Variants in C4orf54 observed in about 807,000 individuals in gnomAD.
C4orf54 encodes the protein uncharacterized protein C4orf54.
A neutral mutation model predicts 80.1 loss-of-function variants in C4orf54; 67 were observed. The ratio of observed to expected loss-of-function variants is 0.84; its 90% CI spans 0.69 to 1.03. The LOEUF is 1.03. Ranked by LOEUF, C4orf54 falls within the 50% of genes least tolerant of loss-of-function variation. The pLI, the probability that C4orf54 is intolerant of heterozygous loss-of-function variation, is 0.00. For synonymous variants in C4orf54, 1,000 were observed against 917.0 expected, an observed-to-expected ratio of 1.09 and a Z score of -1.64; for missense variants, 2,434 against 2,253.5, an observed-to-expected ratio of 1.08 and a Z score of -1.62.
At position 99,651,970 on chromosome 4, in the gene C4orf54, G is replaced by T; in HGVS notation, c.2679C>A (p.Ser893=). The T allele has an allele frequency of 1.3e-6, 2 of 1,536,110 alleles. No individual in the cohort carries two copies. The highest frequency in any genetic ancestry group is 1.7e-6 in the Non-Finnish European group (2 of 1,146,904). Residue 893 remains serine, a synonymous_variant, in exon 2 of 3, where the codon TCC becomes TCA. Coordinates refer to ENST00000511828, the MANE Select transcript of C4orf54 (RefSeq NM_001354435.2). Reference sequence around the variant, plus strand: ...TACTGGCTTTGAAGACTGGAGATTTGGAGCCCGCCACGGACCCCTCCCCGC... The same window carrying T: ...TACTGGCTTTGAAGACTGGAGATTTTGAGCCCGCCACGGACCCCTCCCCGC... ...DAGGEGSVAG[S]KSPVFKASTP...
At chr4:99,656,710 A>C (rs748742768) in intron 1 of C4orf54, among the ~76,000 whole-genome samples, 20 of 152,230 alleles carry the variant, frequency 1.3e-4, no homozygotes, top group Non-Finnish European at 2.4e-4. Flanking sequence ...TAACAACTTG[A>C]TGAGTTAGGT....
intron 2 of C4orf54, 103 bp downstream of exon 2, chr4:99,649,128 C>G: frequency 8.9e-7 from 1 of 1,125,346 alleles, no homozygotes; most frequent in Non-Finnish European, 1.2e-6. Context: ...ACATCCATTT[C>G]TAGAGACAGC....
chr4:99,643,794 C>A (rs1491243), intron 2 of C4orf54, among the ~76,000 whole-genome samples: 2,155 of 64,834 alleles, frequency 0.033, 29 homozygotes, highest in South Asian at 0.049. Flanking sequence ...ACACACACAC[C>A]CCCTCCGCGG....
At chr4:99,646,446 AC>A (rs1380289934) in intron 2 of C4orf54, among the ~76,000 whole-genome samples, 1 of 152,222 alleles carries the variant, frequency 6.6e-6, no homozygotes, top group East Asian at 1.9e-4. Flanking sequence ...GCCAAATGCC[AC>A]CACAGAGCAG....
intron 1 of C4orf54, among the ~76,000 whole-genome samples, chr4:99,657,222 A>C (rs1726991775): frequency 6.6e-6 from 1 of 152,256 alleles, no homozygotes; most frequent in African/African-American, 2.4e-5. Context: ...GTTTCTGCCC[A>C]TCAAGTCAAT....
At chr4:99,645,099 A>C (rs1311257915) in intron 2 of C4orf54, among the ~76,000 whole-genome samples, 1 of 152,004 alleles carries the variant, frequency 6.6e-6, no homozygotes, top group Non-Finnish European at 1.5e-5. Flanking sequence ...CTGGCATGGA[A>C]TATTTAGGTT....
rs1182815905 is a variant in C4orf54 at position 99,650,736 on chromosome 4, C to T, written c.3913G>A (p.Ala1305Thr). ...ASEEREGVVV[A>T]DGDHDKLSKR... is the part of the protein sequence containing the mutation. ...GACAGCTTGTCGTGGTCTCCATCAG[C>T]AACCACTACCCCTTCCCTCTCCTCA... The change falls in exon 2 of 3, where the codon GCT (alanine) becomes ACT (threonine). Residue 1305 changes from alanine (A) to threonine (T), a missense_variant. Physicochemically the swap from Ala to Thr is moderately conservative, Grantham distance 58. Coordinates refer to ENST00000511828, the MANE Select transcript of C4orf54 (RefSeq NM_001354435.2). 3 of 1,536,040 alleles carry T rather than the reference C, an allele frequency of 2.0e-6. No individual in the cohort carries two copies. The highest frequency in any genetic ancestry group is 2.4e-5 in the East Asian group (1 of 40,912).
rs1726554642 is a variant in C4orf54, at chr4:99,638,846, A to G, written c.*2387T>C. On this transcript the variant is annotated 3_prime_UTR_variant, in exon 3 of 3. Transcript: ENST00000511828. ...AGAACCATAAAATTATCGATAGATG[A>G]CATGATATTAATAGAACATTATTTA... The G allele has an allele frequency of 6.6e-6, 1 of 152,148 alleles. No homozygotes were observed. The highest frequency in any genetic ancestry group is 2.4e-5 in the African/African-American group (1 of 41,442). The allele number at this position is 152,148 out of a possible 1,614,324, so 9.4% of individuals were successfully genotyped here.
In C4orf54 at chr4:99,654,220, G is replaced by A; in HGVS notation, c.429C>T (p.Leu143=). The A allele has an allele frequency of 6.5e-7, 1 of 1,536,124 alleles. No homozygotes were observed. The highest frequency in any genetic ancestry group is 8.7e-7 in the Non-Finnish European group (1 of 1,146,904). ...LFLSLKPGQG[L]IMEAAPPELN... The stretch of plus-strand genomic sequence containing the variant: ...GCTCAGGAGGGGCAGCTTCCATTAT[G>A]AGCCCTTGCCCAGGTTTCAGCGACA... The change falls in exon 2 of 3, where the codon CTC becomes CTT. Residue 143 remains leucine, a synonymous_variant. Coordinates refer to ENST00000511828, the MANE Select transcript of C4orf54 (RefSeq NM_001354435.2).
Position 99,652,095 on chromosome 4 carries a change from G to T in C4orf54, c.2554C>A (p.Arg852Ser). 2 of 1,536,040 alleles carry T rather than the reference G, an allele frequency of 1.3e-6. No homozygotes were observed. The highest frequency in any genetic ancestry group is 8.7e-7 in the Non-Finnish European group (1 of 1,146,878). Residue 852 changes from arginine to serine, a missense_variant, in exon 2 of 3, where the codon CGC becomes AGC. Physicochemically the swap from Arg to Ser is moderately radical, Grantham distance 110. Transcript: ENST00000511828. ...SGTSKETEGA[R>S]GSERQRERGL... is the part of the protein sequence containing the mutation. Reference sequence around the variant, plus strand: ...CTCTCTCGCTGCCTCTCGCTCCCGCGGGCGCCCTCCGTCTCCTTGGAGGTG... The same window carrying T: ...CTCTCTCGCTGCCTCTCGCTCCCGCTGGCGCCCTCCGTCTCCTTGGAGGTG...
rs1405538880 is a variant in C4orf54 at position 99,650,957 on chromosome 4, G to T, written c.3692C>A (p.Thr1231Asn). 3 of 1,536,016 alleles carry T rather than the reference G, an allele frequency of 2.0e-6. No homozygotes were observed. The highest frequency in any genetic ancestry group is 2.6e-6 in the Non-Finnish European group (3 of 1,146,922). Reference protein sequence around the residue: ...KIVSKASTQKTPEKLKEEEVK... With the variant: ...KIVSKASTQKNPEKLKEEEVK... ...CTCCTCCTCCTTGAGCTTCTCTGGGGTCTTCTGGGTGGAAGCCTTGGAGAC... is the reference window on the plus strand; with the variant it reads ...CTCCTCCTCCTTGAGCTTCTCTGGGTTCTTCTGGGTGGAAGCCTTGGAGAC... The change falls in exon 2 of 3, where the codon ACC becomes AAC. Residue 1231 changes from threonine (T) to asparagine (N), a missense_variant. Transcript: ENST00000511828.
In C4orf54 at chr4:99,649,492, A is replaced by G. The variant is rs1351470922; in HGVS notation, c.5157T>C (p.Ala1719=). ...AGTATGGGGCCTCGGTGAACGTTGC[A>G]GCTGCCTCTTTGCTGGAAGGTTCTG... ...MVAEPSSKEA[A]ATFTEAPYFM... is the part of the protein sequence containing the mutation. Residue 1719 remains alanine (A), a synonymous_variant, in exon 2 of 3, where the codon GCT becomes GCC. Transcript: ENST00000511828. 1 of 1,536,050 alleles carries G rather than the reference A, an allele frequency of 6.5e-7. No homozygotes were observed. The highest frequency in any genetic ancestry group is 8.7e-7 in the Non-Finnish European group (1 of 1,146,928).
intron 1 of C4orf54, among the ~76,000 whole-genome samples, chr4:99,657,275 T>C (rs1726992590): frequency 6.6e-6 from 1 of 152,254 alleles, no homozygotes; most frequent in South Asian, 2.1e-4. Context: ...CATATGGCCT[T>C]GTCTGTCATG....
intron 2 of C4orf54, among the ~76,000 whole-genome samples, chr4:99,644,793 G>A (rs1372624736): frequency 6.6e-6 from 1 of 150,842 alleles, no homozygotes; most frequent in East Asian, 1.9e-4. Context: ...AAGAAGCAAG[G>A]TGGTGGAATG....
rs1013997753 is a variant in C4orf54 at position 99,651,987 on chromosome 4, C to G, written c.2662G>C (p.Gly888Arg). Residue 888 changes from glycine to arginine, a missense_variant, in exon 2 of 3, where the codon GGG becomes CGG. Physicochemically the swap from Gly to Arg is moderately radical, Grantham distance 125. Transcript: ENST00000511828. ...VVSMSDAGGEGSVAGSKSPVF... is the reference protein window; with the variant it reads ...VVSMSDAGGERSVAGSKSPVF... ...GGAGATTTGGAGCCCGCCACGGACC[C>G]CTCCCCGCCCGCGTCGGACATGCTG... The G allele has an allele frequency of 6.5e-7, 1 of 1,536,034 alleles. No individual in the cohort carries two copies. Among genetic ancestry groups the G allele is most frequent in the African/African-American group, 1.4e-5 (1 of 73,062 alleles).
At chr4:99,642,505 T>C (rs1726623298) in intron 2 of C4orf54, among the ~76,000 whole-genome samples, 1 of 152,222 alleles carries the variant, frequency 6.6e-6, no homozygotes, top group African/African-American at 2.4e-5. Context: ...TATTTAGGGA[T>C]TGATAGTGTA....
rs1726518455 is a variant in C4orf54, at chr4:99,637,129, C to G, written c.*4104G>C. ...GGTATGGTAGATTATTCAGGGAGCCCTGGAAAGGACTTTTTGCCATTAACA... is the reference window on the plus strand; with the variant it reads ...GGTATGGTAGATTATTCAGGGAGCCGTGGAAAGGACTTTTTGCCATTAACA... On this transcript the variant is annotated 3_prime_UTR_variant, in exon 3 of 3. Coordinates refer to ENST00000511828, the MANE Select transcript of C4orf54 (RefSeq NM_001354435.2). 1 of 152,100 alleles carries G rather than the reference C, an allele frequency of 6.6e-6. No homozygotes were observed. Among genetic ancestry groups the G allele is most frequent in the East Asian group, 1.9e-4 (1 of 5,184 alleles). The allele number at this position is 152,100 out of a possible 1,614,324, so 9.4% of individuals were successfully genotyped here. A position where few individuals can be genotyped will look rare whatever the true frequency, so the allele number is the denominator to read the frequency against.
At position 99,651,307 on chromosome 4, in the gene C4orf54, C is replaced by A; in HGVS notation, c.3342G>T (p.Gly1114=). Residue 1114 remains glycine, a synonymous_variant, in exon 2 of 3, where the codon GGG becomes GGT. Coordinates refer to ENST00000511828, the MANE Select transcript of C4orf54 (RefSeq NM_001354435.2). ...QVRDVRKLIK[G]SGDSSDKGSV... is the part of the protein sequence containing the mutation. ...TGCCCTTGTCACTACTATCCCCTGA[C>A]CCTTTAATTAGTTTCCTGACATCTC... 1 of 1,536,154 alleles carries A rather than the reference C, an allele frequency of 6.5e-7. No homozygotes were observed. The highest frequency in any genetic ancestry group is 8.7e-7 in the Non-Finnish European group (1 of 1,146,922).
At chr4:99,647,233 G>C (rs1726714626) in intron 2 of C4orf54, among the ~76,000 whole-genome samples, 1 of 152,134 alleles carries the variant, frequency 6.6e-6, no homozygotes, top group South Asian at 2.1e-4. Context: ...TGCTTAAGAG[G>C]ATACTGTGCA....
Sources: gnomAD v4.1 joint callset for allele counts (sites outside exome capture counted in the v4.1 genomes callset) on GRCh38, gnomAD v4.1.1 for gene constraint, MANE v1.5 for transcripts, NCBI Gene and HGNC (gene_info 2026-07-23, HGNC 2026-07-21) for gene names.